Variants in RUFY2 observed in about 807,000 individuals in gnomAD.
RUFY2 encodes RUN and FYVE domain containing 2.
RUFY2 carries 49 observed loss-of-function variants against 94.4 expected under a neutral mutation model. The ratio of observed to expected loss-of-function variants is 0.52; its 90% CI spans 0.41 to 0.66. RUFY2 has a LOEUF of 0.66. Among genes scored for constraint, RUFY2 ranks in the 30% least tolerant of loss-of-function variants. The pLI is 0.00. For missense variants in RUFY2, 541 were observed against 692.8 expected (o/e 0.78, Z 2.46); for synonymous variants, 255 against 235.7 (o/e 1.08, Z -0.75).
At chr10:68,356,697 G>A (rs761875793) in intron 15 of RUFY2, among the ~76,000 whole-genome samples, 3 of 151,376 alleles carry the variant, frequency 2.0e-5, no homozygotes, top group Admixed American at 6.6e-5. Flanking sequence ...AGAGGCACCC[G>A]CAATAACTCC....
chr10:68,397,957 T>C (rs2050516979), intron 3 of RUFY2, among the ~76,000 whole-genome samples: 1 of 150,896 alleles, frequency 6.6e-6, no homozygotes, highest in African/African-American at 2.4e-5. Flanking sequence ...TGAAACCCCG[T>C]CTCTACTAAA....
At chr10:68,355,132 C>A (rs1392002106) in intron 16 of RUFY2, among the ~76,000 whole-genome samples, 1 of 152,152 alleles carries the variant, frequency 6.6e-6, no homozygotes, top group African/African-American at 2.4e-5. Flanking sequence ...CGGGCGTGAG[C>A]CACTGCGCCC....
chr10:68,382,017 A>T (rs2049097572), intron 10 of RUFY2, among the ~76,000 whole-genome samples: 1 of 152,002 alleles, frequency 6.6e-6, no homozygotes, highest in South Asian at 2.1e-4. Context: ...GTACATGTAA[A>T]GGCCAAAGTA....
chr10:68,353,879 A>G (rs1237534350), intron 16 of RUFY2, among the ~76,000 whole-genome samples: 1 of 152,056 alleles, frequency 6.6e-6, no homozygotes, highest in Admixed American at 6.6e-5. Flanking sequence ...TTACTTGATT[A>G]TACTGGGAGA....
At chr10:68,383,570 A>G (rs2049257677) in intron 10 of RUFY2, among the ~76,000 whole-genome samples, 1 of 152,226 alleles carries the variant, frequency 6.6e-6, no homozygotes, top group African/African-American at 2.4e-5. Context: ...CAGTGAGCCA[A>G]GATCACACCA....
intron 15 of RUFY2, among the ~76,000 whole-genome samples, chr10:68,358,620 T>C (rs971363642): frequency 4.6e-5 from 7 of 151,978 alleles, no homozygotes; most frequent in South Asian, 2.1e-4. Context: ...CCACAGAAAA[T>C]ATTTTCTTGG....
At chr10:68,353,688 A>T (rs2046854641) in intron 16 of RUFY2, among the ~76,000 whole-genome samples, 2 of 151,908 alleles carry the variant, frequency 1.3e-5, no homozygotes, top group Non-Finnish European at 2.9e-5. Flanking sequence ...GGTCCCAGCT[A>T]CTCAGGAGGC....
intron 2 of RUFY2, among the ~76,000 whole-genome samples, chr10:68,403,097 C>G (rs1202688069): frequency 6.6e-6 from 1 of 150,974 alleles, no homozygotes; most frequent in Non-Finnish European, 1.5e-5. Flanking sequence ...CCGTCAGTCT[C>G]AGCCTCCCAA....
chr10:68,341,964 ATC>A (rs779776634), downstream of RUFY2: 2 of 1,613,398 alleles, frequency 1.2e-6, no homozygotes, highest in Non-Finnish European at 1.7e-6. Flanking sequence ...GATTCTTAAT[ATC>A]TTTTTCTTAA....
intron 13 of RUFY2, among the ~76,000 whole-genome samples, chr10:68,370,503 C>G (rs558105597): frequency 1.0e-3 from 148 of 145,922 alleles, no homozygotes; most frequent in Non-Finnish European, 1.7e-3. Context: ...ATAAATTAGC[C>G]AAGCATAGTG....
intron 16 of RUFY2, among the ~76,000 whole-genome samples, chr10:68,353,777 C>T (rs898375650): frequency 6.6e-6 from 1 of 151,456 alleles, no homozygotes; most frequent in Non-Finnish European, 1.5e-5. Flanking sequence ...CCAGCCTGGG[C>T]AACACAGCAA....
At chr10:68,361,214 G>A (rs923425865) in intron 15 of RUFY2, among the ~76,000 whole-genome samples, 1 of 152,010 alleles carries the variant, frequency 6.6e-6, no homozygotes. Context: ...AGGAGGCAGA[G>A]GTTGCAGTGA....
intron 8 of RUFY2, 85 bp from the exon 9 acceptor site, chr10:68,384,237 A>G: frequency 1.4e-6 from 2 of 1,427,924 alleles, no homozygotes; most frequent in African/African-American, 2.9e-5. Flanking sequence ...CATAAACATC[A>G]GAAAATAAAA....
intron 10 of RUFY2, among the ~76,000 whole-genome samples, chr10:68,382,647 G>C (rs1021431717): frequency 6.0e-5 from 9 of 150,090 alleles, no homozygotes; most frequent in Non-Finnish European, 1.0e-4. Flanking sequence ...CTGGGAGGCA[G>C]AGCTTGCAGT....
intron 13 of RUFY2, among the ~76,000 whole-genome samples, chr10:68,366,146 G>A (rs2047794465): frequency 6.6e-6 from 1 of 151,832 alleles, no homozygotes; most frequent in African/African-American, 2.4e-5. Context: ...CCCCAACATG[G>A]TGAAACCCCA....
intron 11 of RUFY2, among the ~76,000 whole-genome samples, chr10:68,380,571 A>G: frequency 6.6e-6 from 1 of 152,118 alleles, no homozygotes. Flanking sequence ...TACAAAACTC[A>G]CAATTATGGG....
rs935277574 is a variant in RUFY2 at position 68,407,243 on chromosome 10, C to T, written c.-54G>A. ...GAGGCTCCCTCGGCCTGTCCAGCAG[C>T]TCCTTCCAGGCGCTCGGCGGCCACC... On this transcript the variant is annotated 5_prime_UTR_variant, in exon 1 of 18. Coordinates refer to ENST00000602465, the MANE Select transcript of RUFY2 (RefSeq NM_001330103.2). 1.4e-5 allele frequency: 18 copies of T among 1,310,172 alleles called. No individual in the cohort carries two copies. The African/African-American group carries it at 1.7e-4, about 12-fold the overall frequency. 81.2% of individuals were successfully genotyped at this position (1,310,172 alleles called of 1,614,324 possible).
At chr10:68,394,545 A>C (rs1014298737) in intron 4 of RUFY2, 94 bp from the exon 5 acceptor site, 1 of 861,320 alleles carries the variant, frequency 1.2e-6, no homozygotes, top group Non-Finnish European at 1.8e-6. Context: ...CTTCTACCTT[A>C]CAGAAATGGA....
At chr10:68,350,229 C>T (rs1180471714) in intron 16 of RUFY2, among the ~76,000 whole-genome samples, 2 of 151,906 alleles carry the variant, frequency 1.3e-5, no homozygotes, top group Admixed American at 6.6e-5. Flanking sequence ...AGGTTGGTCT[C>T]GAACTCCTGA....
Sources: allele counts gnomAD v4.1 joint callset (sites outside exome capture counted in the v4.1 genomes callset), GRCh38; gene constraint gnomAD v4.1.1; transcripts MANE v1.5; gene names NCBI Gene and HGNC (gene_info 2026-07-23, HGNC 2026-07-21).